Variants in PSMA6 observed in about 807,000 individuals in gnomAD.
PSMA6 encodes the protein proteasome 20S subunit alpha 6.
For synonymous variants in PSMA6, 88 were observed against 97.7 expected (o/e 0.90, Z 0.59); for missense variants, 170 against 294.8 (o/e 0.58, Z 3.10).
intron 1 of PSMA6, among the ~76,000 whole-genome samples, chr14:35,286,961 G>GT (rs774267186): frequency 6.6e-6 from 1 of 152,116 alleles, no homozygotes; most frequent in African/African-American, 2.4e-5. Flanking sequence ...GTTGCCTCAT[G>GT]TAAGTCACAG....
Position 35,314,422 on chromosome 14 carries a change from T to G in PSMA6, c.650T>G (p.Val217Gly). The change falls in exon 6 of 7, where the codon GTT becomes GGT. Residue 217 changes from valine to glycine, a missense_variant. Val to Gly is a moderately radical substitution (Grantham distance 109). Transcript: ENST00000261479. Reference protein sequence around the residue: ...SIDFKPSEIEVGVVTVENPKF... With the variant: ...SIDFKPSEIEGGVVTVENPKF... ...GATTTCAAACCTTCAGAAATAGAAGTTGGAGTAGTGACAGTTGAAAATCCT... is the reference window on the plus strand; with the variant it reads ...GATTTCAAACCTTCAGAAATAGAAGGTGGAGTAGTGACAGTTGAAAATCCT... 1 of 1,611,884 alleles carries G rather than the reference T, an allele frequency of 6.2e-7. No homozygotes were observed. Among genetic ancestry groups the G allele is most frequent in the Admixed American group, 1.7e-5 (1 of 59,874 alleles).
intron 1 of PSMA6, among the ~76,000 whole-genome samples, chr14:35,298,548 G>A (rs2051644204): frequency 6.6e-6 from 1 of 151,610 alleles, no homozygotes; most frequent in Admixed American, 6.6e-5. Context: ...GCATAATCTT[G>A]GACATTCAAG....
chr14:35,305,884 A>C (rs569246895), intron 1 of PSMA6, among the ~76,000 whole-genome samples: 1 of 152,088 alleles, frequency 6.6e-6, no homozygotes, highest in South Asian at 2.1e-4. Context: ...AGAGTTTGAG[A>C]CCAGCCTGGG....
intron 1 of PSMA6, among the ~76,000 whole-genome samples, chr14:35,295,732 A>C (rs2138719578): frequency 6.6e-6 from 1 of 152,282 alleles, no homozygotes; most frequent in East Asian, 1.9e-4. Context: ...GATTACAGGC[A>C]TGAGCCATTG....
At chr14:35,310,123 A>G (rs1594392205) in intron 3 of PSMA6, 1 of 306,178 alleles carries the variant, frequency 3.3e-6, no homozygotes, top group East Asian at 1.1e-4. Context: ...CCCCATCTCT[A>G]AAAAAAAAAT....
At chr14:35,282,675 A>G (rs905548190) in intron 1 of PSMA6, among the ~76,000 whole-genome samples, 8 of 152,018 alleles carry the variant, frequency 5.3e-5, no homozygotes, top group African/African-American at 1.9e-4. Context: ...GCATGGTGAG[A>G]TTCCCCCCAT....
chr14:35,306,631 C>T (rs1406845094), intron 1 of PSMA6, among the ~76,000 whole-genome samples: 2 of 151,974 alleles, frequency 1.3e-5, no homozygotes, highest in Non-Finnish European at 2.9e-5. Flanking sequence ...CGCTTGAGCC[C>T]GGGAGGCAGA....
At chr14:35,295,703 C>T (rs1485751318) in intron 1 of PSMA6, among the ~76,000 whole-genome samples, 3 of 152,176 alleles carry the variant, frequency 2.0e-5, no homozygotes, top group Non-Finnish European at 4.4e-5. Flanking sequence ...CCACCCACCT[C>T]GGCCTCCCAA....
intron 1 of PSMA6, among the ~76,000 whole-genome samples, chr14:35,295,966 C>G (rs555307296): frequency 1.3e-5 from 2 of 152,240 alleles, no homozygotes; most frequent in African/African-American, 4.8e-5. Flanking sequence ...TTTGCTGATC[C>G]TTTGCTGGAT....
intron 1 of PSMA6, among the ~76,000 whole-genome samples, chr14:35,298,264 T>C (rs1000231571): frequency 1.3e-5 from 2 of 151,898 alleles, no homozygotes; most frequent in Non-Finnish European, 2.9e-5. Context: ...CCGAGGCAGG[T>C]GGATAACCTA....
intron 1 of PSMA6, among the ~76,000 whole-genome samples, chr14:35,302,983 C>T (rs1296233943): frequency 1.3e-5 from 2 of 152,044 alleles, no homozygotes; most frequent in African/African-American, 2.4e-5. Flanking sequence ...ACATCTGGGT[C>T]GTCTCAGGAT....
intron 1 of PSMA6, chr14:35,293,126 T>TA: frequency 2.3e-6 from 1 of 428,992 alleles, no homozygotes; most frequent in Non-Finnish European, 4.7e-6. Flanking sequence ...AGTGCCAATT[T>TA]ACAAATATCT....
chr14:35,309,032 A>G, intron 3 of PSMA6, 37 bp downstream of exon 3: 1 of 1,361,954 alleles, frequency 7.3e-7, no homozygotes, highest in Non-Finnish European at 1.0e-6. Context: ...ATCTGTAGAT[A>G]TACAAGCCTT....
upstream of PSMA6, chr14:35,292,266 T>G: frequency 7.3e-7 from 1 of 1,374,816 alleles, no homozygotes. Flanking sequence ...TTCAAAGGCC[T>G]CCCGCCCTCA....
At chr14:35,308,249 C>T (rs2051869064) in intron 2 of PSMA6, 161 bp downstream of exon 2, 2 of 811,364 alleles carry the variant, frequency 2.5e-6, no homozygotes, top group Middle Eastern at 4.5e-4. Flanking sequence ...TGGAGAAACC[C>T]TGTCTCTATT....
chr14:35,289,214 T>C (rs1462587117), upstream of PSMA6, among the ~76,000 whole-genome samples: 1 of 152,222 alleles, frequency 6.6e-6, no homozygotes, highest in Non-Finnish European at 1.5e-5. Context: ...GCACTTAATA[T>C]ATGCTGGTTA....
At chr14:35,310,191 CT>C (rs33988739) in intron 3 of PSMA6, 203,418 of 352,498 alleles carry the variant, frequency 0.58, 42,073 homozygotes, top group African/African-American at 0.83. Context: ...CTCTCAAGGC[CT>C]TTTTTTTTTT....
chr14:35,290,199 A>G (rs543014681), upstream of PSMA6, among the ~76,000 whole-genome samples: 36 of 152,358 alleles, frequency 2.4e-4, no homozygotes, highest in South Asian at 8.3e-4. Flanking sequence ...ACCTAAATTC[A>G]GGAGACATCA....
chr14:35,281,578 A>C (rs1427882226), intron 1 of PSMA6, among the ~76,000 whole-genome samples: 1 of 152,186 alleles, frequency 6.6e-6, no homozygotes, highest in African/African-American at 2.4e-5. Flanking sequence ...TTATATAAAA[A>C]ATAGTAACAA....
Sources: allele counts gnomAD v4.1 joint callset (sites outside exome capture counted in the v4.1 genomes callset), GRCh38; gene constraint gnomAD v4.1.1; transcripts MANE v1.5; gene names NCBI Gene and HGNC (gene_info 2026-07-23, HGNC 2026-07-21).